WDPCP: variants seen among roughly 807,000 people sequenced by gnomAD.
WDPCP encodes the protein WD repeat containing planar cell polarity effector.
A neutral mutation model predicts 93.1 loss-of-function variants in WDPCP; 71 were observed. That is an observed-to-expected ratio of 0.76 (90% CI 0.63 to 0.93). The LOEUF (loss-of-function observed/expected upper bound fraction) is 0.93. WDPCP is among the 40% of genes least tolerant of loss of function. The pLI is 0.00. For missense variants in WDPCP, 844 were observed against 887.4 expected, an observed-to-expected ratio of 0.95 and a Z score of 0.62; for synonymous variants, 315 against 315.0, an observed-to-expected ratio of 1.00 and a Z score of 0.00.
At chr2:63,184,085 A>G (rs1430709936) in intron 14 of WDPCP, among the ~76,000 whole-genome samples, 1 of 152,064 alleles carries the variant, frequency 6.6e-6, no homozygotes, top group African/African-American at 2.4e-5. Flanking sequence ...CCATCTGCCA[A>G]TCTATACCTT....
intron 2 of WDPCP, among the ~76,000 whole-genome samples, chr2:63,726,607 A>T (rs753469210): frequency 6.6e-6 from 1 of 152,206 alleles, no homozygotes; most frequent in Non-Finnish European, 1.5e-5. Context: ...TAGGAACAGC[A>T]TTGCATCTGT....
At chr2:63,595,125 TAAC>T (rs1709280465) in intron 3 of WDPCP, 1 of 418,676 alleles carries the variant, frequency 2.4e-6, no homozygotes, top group African/African-American at 2.0e-5. Context: ...ATACAGCTAT[TAAC>T]AATAAGAGCA....
intron 13 of WDPCP, 22 bp downstream of exon 13, chr2:63,313,226 A>AGG: frequency 6.2e-7 from 1 of 1,611,670 alleles, no homozygotes; most frequent in South Asian, 1.1e-5. Flanking sequence ...AAGGCACAAA[A>AGG]TCATCTCTGA....
At position 63,352,402 on chromosome 2, in the gene WDPCP, A is replaced by C. The variant is rs191217525; in HGVS notation, c.1748+25984T>G. 2.9e-3 allele frequency among the ~76,000 whole-genome samples: 439 copies of C among 152,352 alleles called. 2 individuals carry two copies. Among genetic ancestry groups the C allele is most frequent in the African/African-American group, 0.01 (419 of 41,578 alleles). ...CAAGAATGATATAATTTCTGCTCCC[A>C]ACAAATTCATGAGATTACAGTGATA... is the stretch of plus-strand genomic sequence containing the variant. On this transcript the variant is annotated intron_variant, in intron 12 of 17. Coordinates refer to ENST00000272321, the MANE Select transcript of WDPCP (RefSeq NM_015910.7).
intron 14 of WDPCP, among the ~76,000 whole-genome samples, chr2:63,178,432 G>T (rs958028981): frequency 1.3e-5 from 2 of 152,092 alleles, no homozygotes; most frequent in African/African-American, 2.4e-5. Context: ...ATCCAATCTT[G>T]GTTAGTTGTG....
intron 14 of WDPCP, among the ~76,000 whole-genome samples, chr2:63,216,179 C>T (rs954227728): frequency 6.6e-6 from 1 of 152,124 alleles, no homozygotes; most frequent in Non-Finnish European, 1.5e-5. Flanking sequence ...ACTGGAAATA[C>T]GATTTGACCC....
intron 2 of WDPCP, among the ~76,000 whole-genome samples, chr2:63,737,927 T>C (rs1227205899): frequency 6.6e-6 from 1 of 152,198 alleles, no homozygotes; most frequent in African/African-American, 2.4e-5. Flanking sequence ...TCTAGATCAG[T>C]GGTTCTCATA....
At chr2:63,493,862 A>G (rs1292388570) in intron 1 of WDPCP, among the ~76,000 whole-genome samples, 4 of 152,210 alleles carry the variant, frequency 2.6e-5, no homozygotes, top group Non-Finnish European at 4.4e-5. Context: ...GAATCAGGAA[A>G]GAAATGTTCT....
rs566037773 is a variant in WDPCP at position 63,780,496 on chromosome 2, C to T, written n.308+33126G>A. The stretch of plus-strand genomic sequence containing the variant: ...TACCCTGTTAATGAACCAAGCTGAA[C>T]ATTATTATCCTCAATTATAGAGAAG... On this transcript the variant is annotated intron_variant and non_coding_transcript_variant, in intron 2 of 4. Coordinates refer to the WDPCP transcript ENST00000467687. Among the ~76,000 whole-genome samples, 10 of 152,232 alleles carry T rather than the reference C, an allele frequency of 6.6e-5. No homozygotes were observed. The South Asian group carries it at 2.1e-3, about 32-fold the overall frequency.
In WDPCP at chr2:63,570,370, C is replaced by T. The variant is rs923166673; in HGVS notation, c.75+17827G>A. Among the ~76,000 whole-genome samples, 3 of 152,212 alleles carry T rather than the reference C, an allele frequency of 2.0e-5. 1 individual carries two copies. The highest frequency in any genetic ancestry group is 1.5e-5 in the Non-Finnish European group (1 of 68,034). On this transcript the variant is annotated intron_variant, in intron 1 of 17. Coordinates refer to ENST00000272321, the MANE Select transcript of WDPCP (RefSeq NM_015910.7). ...TGATGGATGTTTATGTCCTTCCCCA[C>T]CAAAGAATAGCCTGATTTTTCTATC...
chr2:63,794,349 G>T (rs1167011205), intron 2 of WDPCP, among the ~76,000 whole-genome samples: 6 of 152,190 alleles, frequency 3.9e-5, no homozygotes, highest in Non-Finnish European at 8.8e-5. Context: ...CTCTTTGCCT[G>T]TAACTGGTTT....
intron 6 of WDPCP, among the ~76,000 whole-genome samples, chr2:63,455,489 C>T (rs1040217437): frequency 1.3e-5 from 2 of 150,390 alleles, no homozygotes; most frequent in Non-Finnish European, 3.0e-5. Context: ...AGATATTCCA[C>T]GCAAATGGAA....
intron 6 of WDPCP, among the ~76,000 whole-genome samples, chr2:63,458,945 C>T (rs1160417947): frequency 6.6e-6 from 1 of 152,126 alleles, no homozygotes; most frequent in Non-Finnish European, 1.5e-5. Flanking sequence ...GCCAACTGAT[C>T]TTCTCCATAG....
intron 13 of WDPCP, among the ~76,000 whole-genome samples, chr2:63,312,582 T>C (rs1367059255): frequency 6.6e-6 from 1 of 152,204 alleles, no homozygotes; most frequent in African/African-American, 2.4e-5. Context: ...TCTAACAGAA[T>C]ATGCTGGGAA....
upstream of WDPCP, among the ~76,000 whole-genome samples, chr2:63,830,264 A>G (rs1032360527): frequency 6.6e-6 from 1 of 152,030 alleles, no homozygotes; most frequent in Non-Finnish European, 1.5e-5. Context: ...ATACCTTTTT[A>G]TTGCACACCT....
intron 14 of WDPCP, among the ~76,000 whole-genome samples, chr2:63,191,604 G>A (rs1268030836): frequency 6.6e-6 from 1 of 152,014 alleles, no homozygotes; most frequent in Admixed American, 6.6e-5. Context: ...ACTTTAGTGG[G>A]GCAGGCACAC....
intron 2 of WDPCP, among the ~76,000 whole-genome samples, chr2:63,774,741 A>G (rs1452505817): frequency 6.6e-6 from 1 of 152,100 alleles, no homozygotes; most frequent in Non-Finnish European, 1.5e-5. Context: ...GTTCTTCTTC[A>G]GCTTCTTCAA....
chr2:63,467,684 G>A (rs1699431594), intron 6 of WDPCP, among the ~76,000 whole-genome samples: 1 of 149,218 alleles, frequency 6.7e-6, no homozygotes, highest in Non-Finnish European at 1.5e-5. Context: ...GCTAAGGCAG[G>A]AGAATTGCTA....
chr2:63,434,297 G>A (rs970889123), intron 8 of WDPCP, among the ~76,000 whole-genome samples: 2 of 152,144 alleles, frequency 1.3e-5, no homozygotes, highest in African/African-American at 4.8e-5. Flanking sequence ...CAGTACTGCT[G>A]ACCAAGAGAG....
Sources: allele counts gnomAD v4.1 joint callset (sites outside exome capture counted in the v4.1 genomes callset), GRCh38; gene constraint gnomAD v4.1.1; transcripts MANE v1.5; gene names NCBI Gene and HGNC (gene_info 2026-07-23, HGNC 2026-07-21).